The following STK32B variants were observed in gnomAD, a reference collection of about 807,000 sequenced individuals.
STK32B encodes serine/threonine kinase 32B.
Under a neutral mutation model 52.6 loss-of-function variants are expected in STK32B, and 43 were observed. That is an observed-to-expected ratio of 0.82 (90% CI 0.64 to 1.05). The LOEUF is 1.05. Among genes scored for constraint, STK32B ranks in the 50% least tolerant of loss-of-function variants. The probability of loss-of-function intolerance (pLI) is 0.00; values close to 1 mark genes in which losing one functional copy is unlikely to be tolerated. For synonymous variants in STK32B, 238 were observed against 204.3 expected (o/e 1.17, Z -1.41); for missense variants, 621 against 534.6 (o/e 1.16, Z -1.59).
At position 5,051,557 on chromosome 4, in the gene STK32B, C is replaced by T. The variant is rs1354996599; in HGVS notation, c.-307C>T. 1 of 378,026 alleles carries T rather than the reference C, an allele frequency of 2.6e-6. No homozygotes were observed. Among genetic ancestry groups the T allele is most frequent in the Non-Finnish European group, 4.7e-6 (1 of 213,338 alleles). The allele number at this position is 378,026 out of a possible 1,614,324, so 23.4% of individuals were successfully genotyped here. A position where few individuals can be genotyped will look rare whatever the true frequency, so the allele number is the denominator to read the frequency against. On this transcript the variant is annotated 5_prime_UTR_variant, in exon 1 of 12. Transcript: ENST00000282908. ...GCCGGCGAGGAGCGCCGCACGTTGG[C>T]CCCGGCGCGAGGAGCTCCCGGGTTC...
chr4:5,388,732 T>C (rs1029072216), intron 4 of STK32B, among the ~76,000 whole-genome samples: 1 of 152,194 alleles, frequency 6.6e-6, no homozygotes. Context: ...GGTCCAAGCT[T>C]CTTAAGAAGA....
chr4:5,496,901 G>GGAGT (rs1287590096), intron 11 of STK32B, among the ~76,000 whole-genome samples: 1 of 152,118 alleles, frequency 6.6e-6, no homozygotes, highest in African/African-American at 2.4e-5. Context: ...GACTAGCTAA[G>GGAGT]GAGTTTTAGA....
At chr4:5,127,134 A>T (rs1229413410) in intron 1 of STK32B, 1 of 510,924 alleles carries the variant, frequency 2.0e-6, no homozygotes, top group African/African-American at 1.9e-5. Flanking sequence ...ACAAGCTAGG[A>T]TCTTGATGCC....
At chr4:5,310,198 A>C (rs149762506) in intron 3 of STK32B, among the ~76,000 whole-genome samples, 1,600 of 152,202 alleles carry the variant, frequency 0.011, 20 homozygotes, top group African/African-American at 0.037. Flanking sequence ...GTTTATGTCA[A>C]CCTAAAAACC....
rs1452445587 is a variant in STK32B, at chr4:5,317,515, ATATT to A, written c.261-13700_261-13697del. 1.1e-4 allele frequency among the ~76,000 whole-genome samples: 11 copies of A among 98,152 alleles called. 4 individuals carry two copies. The highest frequency in any genetic ancestry group is 9.8e-4 in the South Asian group (4 of 4,082). The allele number at this position is 98,152 out of a possible 152,430, so 64.4% of individuals were successfully genotyped here. A position where few individuals can be genotyped will look rare whatever the true frequency, so the allele number is the denominator to read the frequency against. On this transcript the variant is annotated intron_variant, in intron 3 of 11. Transcript: ENST00000282908. ...ATAATATATATTATATATGTATAAT[ATATT>A]TATTATATATATATTACATGTATAT... is the stretch of plus-strand genomic sequence containing the variant.
intron 3 of STK32B, among the ~76,000 whole-genome samples, chr4:5,244,863 A>C (rs572968167): frequency 1.1e-3 from 162 of 152,228 alleles, no homozygotes; most frequent in African/African-American, 3.1e-3. Flanking sequence ...GCAGGTTGTT[A>C]AGTTTCCATG....
intron 6 of STK32B, among the ~76,000 whole-genome samples, chr4:5,417,421 G>T (rs1355894253): frequency 1.3e-5 from 2 of 152,076 alleles, no homozygotes; most frequent in Non-Finnish European, 1.5e-5. Context: ...TCTGAATGCT[G>T]GATCTTCTTT....
intron 3 of STK32B, among the ~76,000 whole-genome samples, chr4:5,293,537 C>A (rs1001374123): frequency 2.6e-5 from 4 of 152,216 alleles, no homozygotes; most frequent in African/African-American, 9.6e-5. Context: ...TCTCTAATGA[C>A]CAGTGATAAT....
the STK32B span, among the ~76,000 whole-genome samples, chr4:5,019,903 C>A: frequency 6.6e-6 from 1 of 152,148 alleles, no homozygotes; most frequent in African/African-American, 2.4e-5. Flanking sequence ...CAGGGGATGA[C>A]TGAGCATCCC....
intron 11 of STK32B, among the ~76,000 whole-genome samples, chr4:5,480,721 A>G (rs982858365): frequency 1.3e-5 from 2 of 151,916 alleles, no homozygotes; most frequent in Admixed American, 6.6e-5. Flanking sequence ...TCCTAATGCT[A>G]TCCCTCCCCC....
rs543921833 is a variant in STK32B at position 5,272,194 on chromosome 4, A to C, written c.261-59026A>C. ...AATACATCCCATCAATACCTAATTTATTGAGAGTTTTTAGCATGAAGGGTT... is the reference window on the plus strand; with the variant it reads ...AATACATCCCATCAATACCTAATTTCTTGAGAGTTTTTAGCATGAAGGGTT... On this transcript the variant is annotated intron_variant, in intron 3 of 11. Transcript: ENST00000282908. 1.8e-4 allele frequency among the ~76,000 whole-genome samples: 26 copies of C among 143,424 alleles called. No homozygotes were observed. In the South Asian group the frequency reaches 3.0e-3, roughly 16 times the overall value. The allele number at this position is 143,424 out of a possible 152,430, so 94.1% of individuals were successfully genotyped here.
At chr4:5,115,042 C>T (rs1714642624) in intron 1 of STK32B, among the ~76,000 whole-genome samples, 1 of 152,236 alleles carries the variant, frequency 6.6e-6, no homozygotes, top group South Asian at 2.1e-4. Context: ...TTCTCTCAGA[C>T]TCTGTCATCT....
intron 3 of STK32B, among the ~76,000 whole-genome samples, chr4:5,171,335 G>C (rs546461705): frequency 6.6e-6 from 1 of 151,806 alleles, no homozygotes; most frequent in Non-Finnish European, 1.5e-5. Flanking sequence ...GTCAATTTTG[G>C]CTTTTGTTGC....
At chr4:5,218,681 T>C (rs1438875433) in intron 3 of STK32B, among the ~76,000 whole-genome samples, 1 of 152,172 alleles carries the variant, frequency 6.6e-6, no homozygotes, top group Non-Finnish European at 1.5e-5. Context: ...GCACCCGTTC[T>C]TGCTAGTCAG....
At chr4:5,172,839 G>T (rs553419566) in intron 3 of STK32B, among the ~76,000 whole-genome samples, 1 of 152,098 alleles carries the variant, frequency 6.6e-6, no homozygotes, top group Non-Finnish European at 1.5e-5. Flanking sequence ...GAGTTAGGGA[G>T]GATTCTGTCT....
chr4:5,357,784 CA>C (rs1008569531), intron 4 of STK32B, among the ~76,000 whole-genome samples: 3 of 151,758 alleles, frequency 2.0e-5, no homozygotes, highest in African/African-American at 4.8e-5. Context: ...AATTAGTAAA[CA>C]GGGGGAAAAC....
At chr4:5,104,970 G>T (rs1275107397) in intron 1 of STK32B, among the ~76,000 whole-genome samples, 2 of 152,164 alleles carry the variant, frequency 1.3e-5, no homozygotes, top group African/African-American at 2.4e-5. Flanking sequence ...ATATGCCTAA[G>T]AGTGAAATTT....
chr4:5,091,902 A>G (rs1438173707), intron 1 of STK32B, among the ~76,000 whole-genome samples: 2 of 152,250 alleles, frequency 1.3e-5, no homozygotes, highest in South Asian at 2.1e-4. Context: ...ATACAGCAAC[A>G]TGGATGAACT....
intron 3 of STK32B, among the ~76,000 whole-genome samples, chr4:5,222,915 A>G (rs1298061134): frequency 2.6e-5 from 4 of 152,214 alleles, no homozygotes; most frequent in African/African-American, 9.6e-5. Context: ...ATTCACAAAG[A>G]TAATAGAAGA....
Sources: allele counts gnomAD v4.1 joint callset (sites outside exome capture counted in the v4.1 genomes callset), GRCh38; gene constraint gnomAD v4.1.1; transcripts MANE v1.5; gene names NCBI Gene and HGNC (gene_info 2026-07-23, HGNC 2026-07-21).